Variants in BAZ2B observed in about 807,000 individuals in gnomAD.
BAZ2B encodes the protein bromodomain adjacent to zinc finger domain protein 2B.
In BAZ2B, 91 loss-of-function variants were observed where a neutral mutation model predicts 246.0. That is an observed-to-expected ratio of 0.37 (90% CI 0.31 to 0.44). The LOEUF is 0.44. BAZ2B is among the 20% of genes least tolerant of loss of function. The pLI is 1.00. For missense variants in BAZ2B, 2,332 were observed against 2,533.7 expected, an observed-to-expected ratio of 0.92 and a Z score of 1.71; for synonymous variants, 855 against 860.0, an observed-to-expected ratio of 0.99 and a Z score of 0.10.
intron 2 of BAZ2B, among the ~76,000 whole-genome samples, chr2:159,553,418 AAAAGAAAG>A (rs1306264567): frequency 6.9e-6 from 1 of 144,350 alleles, no homozygotes; most frequent in South Asian, 2.2e-4. Flanking sequence ...AAAAAAAAAG[AAAAGAAAG>A]AAAGAAAAGA....
chr2:159,523,847 C>T (rs2151278239), intron 2 of BAZ2B, among the ~76,000 whole-genome samples: 1 of 152,082 alleles, frequency 6.6e-6, no homozygotes, highest in Non-Finnish European at 1.5e-5. Context: ...AATAACAACC[C>T]CTCAAAAAAT....
chr2:159,622,906 A>G, the BAZ2B span, among the ~76,000 whole-genome samples: 15 of 151,236 alleles, frequency 9.9e-5, no homozygotes, highest in East Asian at 2.9e-3. Context: ...TGGGAGGTCC[A>G]GGCTGCAGTA....
chr2:159,642,325 C>T, the BAZ2B span, among the ~76,000 whole-genome samples: 2 of 150,292 alleles, frequency 1.3e-5, no homozygotes, highest in East Asian at 2.0e-4. Flanking sequence ...GCAACCTCTG[C>T]CTCCTGGGTT....
chr2:159,372,480 T>C (rs796800112), intron 27 of BAZ2B, among the ~76,000 whole-genome samples: 2 of 152,370 alleles, frequency 1.3e-5, no homozygotes, highest in South Asian at 4.1e-4. Context: ...TGCACTCTGC[T>C]AGTTAATGTA....
chr2:159,358,201 G>T (rs1314567567), intron 27 of BAZ2B, among the ~76,000 whole-genome samples: 1 of 152,200 alleles, frequency 6.6e-6, no homozygotes, highest in Non-Finnish European at 1.5e-5. Context: ...CCTTTGGTGT[G>T]CTGTATTCAG....
intron 3 of BAZ2B, among the ~76,000 whole-genome samples, chr2:159,477,033 C>T (rs935673458): frequency 1.2e-4 from 18 of 152,132 alleles, no homozygotes; most frequent in Admixed American, 2.0e-4. Context: ...CGGCTGGGCG[C>T]GGTGGCTCAC....
At chr2:159,358,149 A>G (rs1344126551) in intron 27 of BAZ2B, among the ~76,000 whole-genome samples, 1 of 152,226 alleles carries the variant, frequency 6.6e-6, no homozygotes. Context: ...AAATGCCCCA[A>G]TTAAAAGACA....
intron 27 of BAZ2B, among the ~76,000 whole-genome samples, chr2:159,365,936 C>T (rs1303778783): frequency 4.6e-5 from 7 of 152,322 alleles, no homozygotes; most frequent in South Asian, 4.1e-4. Flanking sequence ...TCCTCTGCAG[C>T]GATCCCACAC....
At chr2:159,594,527 A>C (rs943981866) in intron 1 of BAZ2B, among the ~76,000 whole-genome samples, 2 of 152,264 alleles carry the variant, frequency 1.3e-5, no homozygotes, top group African/African-American at 4.8e-5. Flanking sequence ...TAATTTTAAA[A>C]ATTTATGGCT....
the BAZ2B span, among the ~76,000 whole-genome samples, chr2:159,638,163 T>C: frequency 6.6e-6 from 1 of 152,220 alleles, no homozygotes; most frequent in Non-Finnish European, 1.5e-5. Context: ...TTCTGGCTCT[T>C]ATCCATGACC....
the BAZ2B span, among the ~76,000 whole-genome samples, chr2:159,657,842 T>C: frequency 6.6e-6 from 1 of 152,238 alleles, no homozygotes; most frequent in African/African-American, 2.4e-5. Context: ...ATTTATTAGT[T>C]CCAGATTTTT....
At position 159,485,768 on chromosome 2, in the gene BAZ2B, TC is replaced by T. The variant is rs148255700; in HGVS notation, c.-2-7048del. Among the ~76,000 whole-genome samples, 265 of 152,262 alleles carry T rather than the reference TC, an allele frequency of 1.7e-3. 1 individual carries two copies. In the East Asian group the frequency reaches 0.026, roughly 15 times the overall value. On this transcript the variant is annotated intron_variant, in intron 2 of 36. Transcript: ENST00000392783. ...GCATTGAAATATTTAACAATTTAATTCCATTTTGTCCTTATCATTCTTTTCA... is the reference window on the plus strand; with the variant it reads ...GCATTGAAATATTTAACAATTTAATTCATTTTGTCCTTATCATTCTTTTCA...
chr2:159,366,473 T>C (rs183318530), intron 27 of BAZ2B, among the ~76,000 whole-genome samples: 2 of 152,350 alleles, frequency 1.3e-5, no homozygotes, highest in East Asian at 3.9e-4. Flanking sequence ...TCTAAGACAC[T>C]GGTCACTTTT....
At chr2:159,420,644 G>T (rs184897880) in intron 13 of BAZ2B, among the ~76,000 whole-genome samples, 1 of 151,930 alleles carries the variant, frequency 6.6e-6, no homozygotes, top group Non-Finnish European at 1.5e-5. Flanking sequence ...AAAATAATAC[G>T]TTATTAACAA....
At chr2:159,606,863 T>C (rs1370931566) in intron 1 of BAZ2B, among the ~76,000 whole-genome samples, 1 of 152,082 alleles carries the variant, frequency 6.6e-6, no homozygotes, top group African/African-American at 2.4e-5. Context: ...TTCATACATT[T>C]GTGTTTTGAA....
intron 31 of BAZ2B, among the ~76,000 whole-genome samples, chr2:159,342,992 A>G (rs1289780890): frequency 6.6e-6 from 1 of 152,230 alleles, no homozygotes; most frequent in Admixed American, 6.5e-5. Context: ...AGCTGGAGGT[A>G]TCAGACTACT....
intron 1 of BAZ2B, among the ~76,000 whole-genome samples, chr2:159,576,508 C>T (rs896081554): frequency 2.7e-5 from 4 of 147,446 alleles, no homozygotes; most frequent in African/African-American, 5.1e-5. Flanking sequence ...TATCATCATG[C>T]ACCAATCAGA....
the BAZ2B span, among the ~76,000 whole-genome samples, chr2:159,640,657 T>C: frequency 6.6e-6 from 1 of 151,808 alleles, no homozygotes; most frequent in Non-Finnish European, 1.5e-5. Flanking sequence ...AAACAAATAA[T>C]GGAAACACAA....
At chr2:159,338,239 C>T (rs1250908807) in intron 31 of BAZ2B, among the ~76,000 whole-genome samples, 4 of 152,020 alleles carry the variant, frequency 2.6e-5, no homozygotes, top group Admixed American at 2.6e-4. Context: ...TCTTTTGCTC[C>T]TCTTCACCTA....
Sources: gnomAD v4.1 joint callset for allele counts (sites outside exome capture counted in the v4.1 genomes callset) on GRCh38, gnomAD v4.1.1 for gene constraint, MANE v1.5 for transcripts, NCBI Gene and HGNC (gene_info 2026-07-23, HGNC 2026-07-21) for gene names.